ZNF20: variants seen among roughly 807,000 people sequenced by gnomAD.
ZNF20 encodes zinc finger protein KOX13.
A neutral mutation model predicts 11.0 loss-of-function variants in ZNF20; 9 were observed. The observed-to-expected ratio is 0.82, with a 90% CI of 0.49 to 1.43. The LOEUF is 1.43. Ranked by LOEUF, ZNF20 falls within the 40% of genes most tolerant of loss-of-function variation. ZNF20 has a pLI of 0.00. For synonymous variants in ZNF20, 182 were observed against 213.0 expected (o/e 0.85, Z 1.27); for missense variants, 528 against 640.8 (o/e 0.82, Z 1.90).
Position 12,133,691 on chromosome 19 carries a change from G to T in ZNF20, c.495C>A (p.Cys165Ter), listed in dbSNP as rs1254359352. 1.2e-6 allele frequency: 2 copies of T among 1,614,210 alleles called. No homozygotes were observed. Among genetic ancestry groups the T allele is most frequent in the Admixed American group, 3.3e-5 (2 of 60,032 alleles). The change falls in exon 4 of 4, where the codon TGC (cysteine) becomes TGA (stop). Residue 165 changes from cysteine (C) to a stop codon, truncating the protein, a stop_gained. Transcript: ENST00000334213. LOFTEE classifies it low-confidence loss of function (END_TRUNC). The stretch of plus-strand genomic sequence containing the variant: ...TACCATCATAGGGTTTCTCTTTAGT[G>T]CAAGCTTTATCATGTGATTGAAAGG... ...LDSFQSHDKA[C>*]TKEKPYDGKE...
chr19:12,132,672 G>T lies in ZNF20; in HGVS notation c.1514C>A (p.Pro505His). The stretch of plus-strand genomic sequence containing the variant: ...TTTGCCACATTGCTTGCATTGATAG[G>T]GTTTCTCTCCAGTGTGAGTCCTTTC... ...YHERTHTGEK[P>H]YQCKQCGKAF... The change falls in exon 4 of 4, where the codon CCC becomes CAC. Residue 505 changes from proline to histidine, a missense_variant. Pro to His is a moderately conservative substitution (Grantham distance 77). Coordinates refer to ENST00000334213, the MANE Select transcript of ZNF20 (RefSeq NM_021143.4). The T allele has an allele frequency of 6.2e-7, 1 of 1,614,042 alleles. No individual in the cohort carries two copies. The highest frequency in any genetic ancestry group is 8.5e-7 in the Non-Finnish European group (1 of 1,180,016).
chr19:12,132,408 A>G lies in ZNF20; in HGVS notation c.*179T>C, dbSNP rs1345833742. 4.8e-6 allele frequency: 3 copies of G among 619,914 alleles called. No homozygotes were observed. The highest frequency in any genetic ancestry group is 8.0e-6 in the Non-Finnish European group (3 of 373,180). The allele number at this position is 619,914 out of a possible 1,614,324, so 38.4% of individuals were successfully genotyped here. A position where few individuals can be genotyped will look rare whatever the true frequency, so the allele number is the denominator to read the frequency against. On this transcript the variant is annotated 3_prime_UTR_variant, in exon 4 of 4. Coordinates refer to ENST00000334213, the MANE Select transcript of ZNF20 (RefSeq NM_021143.4). The stretch of plus-strand genomic sequence containing the variant: ...TGAAATCTCATGCAAGATTGGCTAT[A>G]GGTGAATTGTATTACGAAACCATCC...
rs1264289603 is a variant in ZNF20 at position 12,139,617 on chromosome 19, G to A, written c.3+563C>T. ...GTGATCTCGGCTCACTGCAACCTTCGTCTCCTGGGGTCATGCGATTCTCCT... is the reference window on the plus strand; with the variant it reads ...GTGATCTCGGCTCACTGCAACCTTCATCTCCTGGGGTCATGCGATTCTCCT... On this transcript the variant is annotated intron_variant, in intron 1 of 3. Transcript: ENST00000334213. The surrounding 1 kb of genome is among the most constrained non-coding windows in gnomAD (Gnocchi z 4.0). 6.6e-6 allele frequency among the ~76,000 whole-genome samples: 1 copy of A among 150,716 alleles called. No individual in the cohort carries two copies. The highest frequency in any genetic ancestry group is 6.6e-5 in the Admixed American group (1 of 15,074).
At position 12,131,519 on chromosome 19, in the gene ZNF20, C is replaced by T. The variant is rs1371669500; in HGVS notation, c.*1068G>A. The T allele has an allele frequency of 6.6e-6, 1 of 152,064 alleles. No homozygotes were observed. Among genetic ancestry groups the T allele is most frequent in the Non-Finnish European group, 1.5e-5 (1 of 68,020 alleles). 9.4% of individuals were successfully genotyped at this position (152,064 alleles called of 1,614,324 possible). ...AGTCACTCATAAGAACATGAGATCA[C>T]CTTTGGTATTTAGAATAGATGAAAA... On this transcript the variant is annotated 3_prime_UTR_variant, in exon 4 of 4. Coordinates refer to ENST00000334213, the MANE Select transcript of ZNF20 (RefSeq NM_021143.4).
chr19:12,135,967 A>C, intron 1 of ZNF20, 63 bp from the exon 2 acceptor site: 7 of 1,577,312 alleles, frequency 4.4e-6, no homozygotes, highest in Non-Finnish European at 6.0e-6. Context: ...TTTATTCCTA[A>C]GAAGTTCTCA....
At position 12,140,141 on chromosome 19, in the gene ZNF20, CCCCTCCCCCGTCTGGGG is replaced by C. The variant is rs768533860; in HGVS notation, c.3+22_3+38del. On this transcript the variant is annotated intron_variant, in intron 1 of 3. Transcript: ENST00000334213. The stretch of plus-strand genomic sequence containing the variant: ...GCCGCTTCCGGCCGGTTCCACCCAG[CCCCTCCCCCGTCTGGGG>C]ACTCCGGCCCCATACACTCACCATT... 63 of 1,589,248 alleles carry C rather than the reference CCCCTCCCCCGTCTGGGG, an allele frequency of 4.0e-5. No individual in the cohort carries two copies. In the East Asian group the frequency reaches 5.7e-4, roughly 14 times the overall value.
At chr19:12,134,288 T>A (rs1439204971) in intron 3 of ZNF20, among the ~76,000 whole-genome samples, 1 of 151,990 alleles carries the variant, frequency 6.6e-6, no homozygotes, top group Non-Finnish European at 1.5e-5. Flanking sequence ...TGCGCCATTG[T>A]GCTCTAGCCT....
intron 3 of ZNF20, among the ~76,000 whole-genome samples, chr19:12,134,717 G>A (rs1307190498): frequency 6.6e-6 from 1 of 152,208 alleles, no homozygotes; most frequent in Non-Finnish European, 1.5e-5. Flanking sequence ...GCCCGGCAAA[G>A]TGTCAGCTTT....
intron 3 of ZNF20, 103 bp from the exon 4 acceptor site, chr19:12,134,088 C>G: frequency 2.1e-6 from 2 of 961,268 alleles, no homozygotes; most frequent in South Asian, 1.7e-5. Context: ...CTTTGGGAGG[C>G]TGAGGTGGGC....
Position 12,133,448 on chromosome 19 carries a change from T to C in ZNF20, c.738A>G (p.Glu246=), listed in dbSNP as rs1166900759. The change falls in exon 4 of 4, where the codon GAA becomes GAG. Residue 246 remains glutamate, a synonymous_variant. Transcript: ENST00000334213. ...CGGCATTCACTCCTGTGTGAGTTCT[T>C]TCATGTACTGGAAGGGTAGTGGAAC... is the stretch of plus-strand genomic sequence containing the variant. ...FTRSTTLPVH[E]RTHTGVNADE... 14 of 1,613,998 alleles carry C rather than the reference T, an allele frequency of 8.7e-6. No homozygotes were observed. The highest frequency in any genetic ancestry group is 1.2e-5 in the Non-Finnish European group (14 of 1,179,964).
chr19:12,140,118 C>A, intron 1 of ZNF20, 62 bp downstream of exon 1: 1 of 1,565,458 alleles, frequency 6.4e-7, no homozygotes, highest in East Asian at 2.4e-5. Flanking sequence ...CCACCACAGC[C>A]GCTTCCGGCC....
chr19:12,137,259 G>A lies in ZNF20; in HGVS notation c.4-1355C>T, dbSNP rs377529430. 2.0e-3 allele frequency: 294 copies of A among 150,158 alleles called. 1 individual carries two copies. In the East Asian group the frequency reaches 0.035, roughly 18 times the overall value. 9.3% of individuals were successfully genotyped at this position (150,158 alleles called of 1,614,324 possible). A position where few individuals can be genotyped will look rare whatever the true frequency, so the allele number is the denominator to read the frequency against. Reference sequence around the variant, plus strand: ...GGCGGTTGCAGTGAGCTGAGAGAGCGCCACTTCACTCCAGCCTGGGCGACA... The same window carrying A: ...GGCGGTTGCAGTGAGCTGAGAGAGCACCACTTCACTCCAGCCTGGGCGACA... On this transcript the variant is annotated intron_variant, in intron 1 of 3. Coordinates refer to ENST00000334213, the MANE Select transcript of ZNF20 (RefSeq NM_021143.4).
Position 12,139,974 on chromosome 19 carries a change from G to A in ZNF20, c.3+206C>T, listed in dbSNP as rs960942836. Among the ~76,000 whole-genome samples the A allele has an allele frequency of 1.3e-5, 2 of 152,212 alleles. No individual in the cohort carries two copies. Among genetic ancestry groups the A allele is most frequent in the Non-Finnish European group, 1.5e-5 (1 of 68,032 alleles). On this transcript the variant is annotated intron_variant, in intron 1 of 3. Coordinates refer to ENST00000334213, the MANE Select transcript of ZNF20 (RefSeq NM_021143.4). The surrounding 1 kb of genome is among the most constrained non-coding windows in gnomAD (Gnocchi z 4.0). ...TCGGGGCCCACAGTCGCCCGCGCAG[G>A]AACAGAACAGGAGGACGCCCGGGGT...
At chr19:12,138,179 G>A (rs1357478704) in intron 1 of ZNF20, among the ~76,000 whole-genome samples, 3 of 152,088 alleles carry the variant, frequency 2.0e-5, no homozygotes, top group Non-Finnish European at 4.4e-5. Flanking sequence ...GGCCAGGCAC[G>A]GTGGCTCACG....
Position 12,135,788 on chromosome 19 carries a change from G to A in ZNF20, c.120C>T (p.Phe40=). ...NLYRDVMQET[F]KNLTSVGKTW... ...TCTTACCTACAGAGGTCAGGTTCTT[G>A]AAGGTTTCCTGCATCACATCCCTGT... The change falls in exon 2 of 4, where the codon TTC becomes TTT. Residue 40 remains phenylalanine (F), a synonymous_variant. Transcript: ENST00000334213. 6.2e-7 allele frequency: 1 copy of A among 1,613,950 alleles called. No individual in the cohort carries two copies. Among genetic ancestry groups the A allele is most frequent in the South Asian group, 1.1e-5 (1 of 91,050 alleles).
Position 12,133,715 on chromosome 19 carries a change from G to T in ZNF20, c.471C>A (p.Ser157=). 1 of 1,614,160 alleles carries T rather than the reference G, an allele frequency of 6.2e-7. No homozygotes were observed. The highest frequency in any genetic ancestry group is 8.5e-7 in the Non-Finnish European group (1 of 1,180,028). The change falls in exon 4 of 4, where the codon TCC becomes TCA. Residue 157 remains serine, a synonymous_variant. Transcript: ENST00000334213. ...ECKKAFSYLD[S]FQSHDKACTK... is the part of the protein sequence containing the mutation. ...TGCAAGCTTTATCATGTGATTGAAA[G>T]GAGTCAAGATAACTGAAGGCTTTCT...
intron 1 of ZNF20, among the ~76,000 whole-genome samples, chr19:12,138,518 G>A (rs1025293001): frequency 4.6e-5 from 7 of 151,762 alleles, no homozygotes; most frequent in African/African-American, 1.7e-4. Flanking sequence ...AAGATAAGAG[G>A]AGAGGAACAG....
chr19:12,132,363 G>A lies in ZNF20; in HGVS notation c.*224C>T, dbSNP rs977990828. 5.9e-6 allele frequency: 3 copies of A among 507,478 alleles called. No individual in the cohort carries two copies. The highest frequency in any genetic ancestry group is 3.9e-5 in the African/African-American group (2 of 51,058). The allele number at this position is 507,478 out of a possible 1,614,324, so 31.4% of individuals were successfully genotyped here. A position where few individuals can be genotyped will look rare whatever the true frequency, so the allele number is the denominator to read the frequency against. On this transcript the variant is annotated 3_prime_UTR_variant, in exon 4 of 4. Coordinates refer to ENST00000334213, the MANE Select transcript of ZNF20 (RefSeq NM_021143.4). ...GTGGGGCCTCTAATATGTGACTGAT[G>A]CCTTCCTTTTCTGTGCCTTTGAAAT...
chr19:12,133,430 C>T lies in ZNF20; in HGVS notation c.756G>A (p.Val252=). 1 of 1,614,048 alleles carries T rather than the reference C, an allele frequency of 6.2e-7. No individual in the cohort carries two copies. Among genetic ancestry groups the T allele is most frequent in the Non-Finnish European group, 8.5e-7 (1 of 1,179,910 alleles). ...LPVHERTHTG[V]NADECKECGN... The stretch of plus-strand genomic sequence containing the variant: ...CACATTCTTTACATTCATCGGCATT[C>T]ACTCCTGTGTGAGTTCTTTCATGTA... The change falls in exon 4 of 4, where the codon GTG becomes GTA. Residue 252 remains valine, a synonymous_variant. Coordinates refer to ENST00000334213, the MANE Select transcript of ZNF20 (RefSeq NM_021143.4).
Sources: allele counts gnomAD v4.1 joint callset (sites outside exome capture counted in the v4.1 genomes callset), GRCh38; gene constraint gnomAD v4.1.1; non-coding constraint Gnocchi (gnomAD v3.1); transcripts MANE v1.5; gene names NCBI Gene and HGNC (gene_info 2026-07-23, HGNC 2026-07-21).